DYNC2H1: variants seen among roughly 807,000 people sequenced by gnomAD.
DYNC2H1 encodes the protein cytoplasmic dynein 2 heavy chain 1.
In DYNC2H1, 410 loss-of-function variants were observed where a neutral mutation model predicts 570.0. That is an observed-to-expected ratio of 0.72 (90% CI 0.66 to 0.78). The LOEUF (loss-of-function observed/expected upper bound fraction) is 0.78, where lower values mean the gene tolerates loss of function less well. Among genes scored for constraint, DYNC2H1 ranks in the 30% least tolerant of loss-of-function variants. DYNC2H1 has a pLI of 0.00. For synonymous variants in DYNC2H1, 1,688 were observed against 1,677.6 expected (o/e 1.01, Z -0.15); for missense variants, 4,865 against 5,046.4 (o/e 0.96, Z 1.09).
At chr11:103,216,394 G>A (rs1295941999) in intron 55 of DYNC2H1, among the ~76,000 whole-genome samples, 1 of 152,054 alleles carries the variant, frequency 6.6e-6, no homozygotes, top group Non-Finnish European at 1.5e-5. Flanking sequence ...TGCTCTTTCA[G>A]GATGATCTTG....
rs534733177 is a variant in DYNC2H1, at chr11:103,387,336, G to A, written c.12157-12327G>A. Among the ~76,000 whole-genome samples, 11 of 152,132 alleles carry A rather than the reference G, an allele frequency of 7.2e-5. No homozygotes were observed. The East Asian group carries it at 2.1e-3, about 29-fold the overall frequency. On this transcript the variant is annotated intron_variant, in intron 83 of 88. Coordinates refer to ENST00000375735, the MANE Select transcript of DYNC2H1 (RefSeq NM_001377.3). ...GTCTGTTCATATCCTTCACCTACTT[G>A]TTGATGGGGTTCTTTGTTTTTCTCT...
Position 103,312,044 on chromosome 11 carries a change from A to G in DYNC2H1, c.11649+11A>G, listed in dbSNP as rs1291753411. 1.2e-6 allele frequency: 2 copies of G among 1,602,098 alleles called. No homozygotes were observed. Among genetic ancestry groups the G allele is most frequent in the Middle Eastern group, 1.7e-4 (1 of 5,832 alleles). On this transcript the variant is annotated intron_variant, in intron 79 of 88. Coordinates refer to ENST00000375735, the MANE Select transcript of DYNC2H1 (RefSeq NM_001377.3). ...AACTATATTCCTCAGGTAAGTAAGA[A>G]CATGTCTTGAATACATTCTAAGCTT... is the stretch of plus-strand genomic sequence containing the variant.
intron 78 of DYNC2H1, among the ~76,000 whole-genome samples, chr11:103,308,053 A>G (rs1465766114): frequency 6.6e-6 from 1 of 152,126 alleles, no homozygotes; most frequent in Non-Finnish European, 1.5e-5. Context: ...TAAGAAACAC[A>G]TAACATGACA....
chr11:103,136,532 A>C (rs1859564115), intron 17 of DYNC2H1, among the ~76,000 whole-genome samples: 1 of 152,136 alleles, frequency 6.6e-6, no homozygotes, highest in Admixed American at 6.6e-5. Flanking sequence ...AATTTCATCC[A>C]TGTCCCTACA....
rs747255440 is a variant in DYNC2H1, at chr11:103,179,186, T to G, written c.6300T>G (p.Ser2100Arg). ...TTGTATTTGAAACTCATGATTTAAG[T>G]TGTGCATCACCAGCCACAATATCTA... ...VNFVFETHDLSCASPATISRM... is the reference protein window; with the variant it reads ...VNFVFETHDLRCASPATISRM... The change falls in exon 39 of 89, where the codon AGT (serine) becomes AGG (arginine). Residue 2100 changes from serine (S) to arginine (R), a missense_variant. Physicochemically the swap from Ser to Arg is moderately radical, Grantham distance 110 (BLOSUM62 -1). Coordinates refer to ENST00000375735, the MANE Select transcript of DYNC2H1 (RefSeq NM_001377.3). 3 of 1,613,136 alleles carry G rather than the reference T, an allele frequency of 1.9e-6. No individual in the cohort carries two copies. The highest frequency in any genetic ancestry group is 2.2e-5 in the South Asian group (2 of 91,056).
chr11:103,121,982 G>T (rs1296282951), intron 10 of DYNC2H1, among the ~76,000 whole-genome samples: 4 of 152,126 alleles, frequency 2.6e-5, no homozygotes, highest in Admixed American at 2.6e-4. Context: ...TTTAGTAGTT[G>T]CAAAGTCTTA....
chr11:103,307,466 C>G (rs531669009), intron 77 of DYNC2H1, among the ~76,000 whole-genome samples: 1 of 152,036 alleles, frequency 6.6e-6, no homozygotes, highest in East Asian at 1.9e-4. Context: ...TCAAAGAGAC[C>G]AAGGTCACAT....
At position 103,179,222 on chromosome 11, in the gene DYNC2H1, G is replaced by T. The variant is rs766437866; in HGVS notation, c.6336G>T (p.Met2112Ile). The T allele has an allele frequency of 6.2e-6, 10 of 1,612,664 alleles. No individual in the cohort carries two copies. The East Asian group carries it at 2.2e-4, about 36-fold the overall frequency. ...ASPATISRMG[M>I]IFLSDEETDL... ...CAGCCACAATATCTAGAATGGGAAT[G>T]ATCTTTCTTAGGTAAGCCATAGATT... is the stretch of plus-strand genomic sequence containing the variant. The change falls in exon 39 of 89, where the codon ATG becomes ATT. Residue 2112 changes from methionine (M) to isoleucine (I), a missense_variant. By Grantham distance (10) the Met-to-Ile change is conservative. Coordinates refer to ENST00000375735, the MANE Select transcript of DYNC2H1 (RefSeq NM_001377.3).
intron 82 of DYNC2H1, among the ~76,000 whole-genome samples, chr11:103,356,827 G>C (rs1940367867): frequency 6.6e-6 from 1 of 152,082 alleles, no homozygotes; most frequent in Non-Finnish European, 1.5e-5. Context: ...AAAGATTTAT[G>C]GCCCTGATTT....
chr11:103,372,631 T>C (rs990119003), intron 83 of DYNC2H1, among the ~76,000 whole-genome samples: 10 of 152,190 alleles, frequency 6.6e-5, no homozygotes, highest in African/African-American at 2.4e-4. Flanking sequence ...GGTTCGCTAG[T>C]ATCTTTTTGA....
intron 45 of DYNC2H1, 66 bp from the exon 46 acceptor site, chr11:103,191,451 A>C: frequency 3.8e-6 from 5 of 1,315,114 alleles, no homozygotes; most frequent in Non-Finnish European, 2.1e-6. Flanking sequence ...AAGGAGACTG[A>C]AAAATTTATA....
rs1414741757 is a variant in DYNC2H1 at position 103,259,982 on chromosome 11, G to A, written c.10695+5G>A. The A allele has an allele frequency of 6.8e-6, 10 of 1,468,114 alleles. No homozygotes were observed. The highest frequency in any genetic ancestry group is 2.6e-5 in the East Asian group (1 of 38,976). 90.9% of individuals were successfully genotyped at this position (1,468,114 alleles called of 1,614,324 possible). On this transcript the variant is annotated splice_donor_5th_base_variant and intron_variant, in intron 70 of 88. Coordinates refer to ENST00000375735, the MANE Select transcript of DYNC2H1 (RefSeq NM_001377.3). ...ATATGTCGTTGTCTATTTAAGGTAA[G>A]AAGCATCATATTTTTCAAATATAAA... is the stretch of plus-strand genomic sequence containing the variant.
chr11:103,310,922 G>C (rs896036350), intron 78 of DYNC2H1, among the ~76,000 whole-genome samples: 1 of 151,152 alleles, frequency 6.6e-6, no homozygotes, highest in African/African-American at 2.4e-5. Flanking sequence ...GGCTGGTCTC[G>C]AACTCCTGAC....
intron 20 of DYNC2H1, among the ~76,000 whole-genome samples, chr11:103,150,750 T>C (rs1031609868): frequency 4.1e-4 from 63 of 151,998 alleles, no homozygotes; most frequent in Admixed American, 4.1e-3. Flanking sequence ...ACTTCAAGCA[T>C]AGGATGAGGA....
At chr11:103,384,649 A>T (rs1941801755) in intron 83 of DYNC2H1, among the ~76,000 whole-genome samples, 1 of 152,128 alleles carries the variant, frequency 6.6e-6, no homozygotes, top group Admixed American at 6.5e-5. Context: ...TAAACTCAGT[A>T]TATTTGCATA....
At chr11:103,336,730 G>A (rs796331226) in intron 82 of DYNC2H1, among the ~76,000 whole-genome samples, 1 of 152,088 alleles carries the variant, frequency 6.6e-6, no homozygotes, top group African/African-American at 2.4e-5. Flanking sequence ...TTAGGTCAAT[G>A]CCATATCTTG....
intron 83 of DYNC2H1, among the ~76,000 whole-genome samples, chr11:103,370,195 C>T (rs1002911892): frequency 9.2e-5 from 14 of 152,334 alleles, no homozygotes; most frequent in African/African-American, 3.1e-4. Flanking sequence ...CCTTATGAGC[C>T]TGTTGTGGCA....
intron 31 of DYNC2H1, among the ~76,000 whole-genome samples, chr11:103,166,990 C>CTTTTTTTTTTTTTTTTTTTTTT (rs34816989): frequency 1.9e-4 from 11 of 56,988 alleles, no homozygotes; most frequent in East Asian, 6.3e-4. Flanking sequence ...GAGGCGCTGC[C>CTTTTTTTTTTTTTTTTTTTTTT]TTTTTTTTTT....
chr11:103,257,387 T>C (rs1176961586), intron 68 of DYNC2H1, among the ~76,000 whole-genome samples: 1 of 152,212 alleles, frequency 6.6e-6, no homozygotes, highest in African/African-American at 2.4e-5. Context: ...CTAAGACATA[T>C]ATTCTTTGCA....
Sources: allele counts gnomAD v4.1 joint callset (sites outside exome capture counted in the v4.1 genomes callset), GRCh38; gene constraint gnomAD v4.1.1; transcripts MANE v1.5; gene names NCBI Gene and HGNC (gene_info 2026-07-23, HGNC 2026-07-21).